Variants in ENTREP2 observed in about 807,000 individuals in gnomAD.
ENTREP2 encodes protein ENTREP2.
chr15:29,453,186 G>A, the ENTREP2 span, among the ~76,000 whole-genome samples: 1 of 152,186 alleles, frequency 6.6e-6, no homozygotes, highest in Non-Finnish European at 1.5e-5. Context: ...CCCGGTGCAG[G>A]GGGAGAGAAT....
chr15:29,412,153 A>G, the ENTREP2 span, among the ~76,000 whole-genome samples: 1 of 148,658 alleles, frequency 6.7e-6, no homozygotes, highest in African/African-American at 2.5e-5. Context: ...TCTGATTTGG[A>G]AAAAAAAAAC....
At chr15:29,669,033 T>C in the ENTREP2 span, among the ~76,000 whole-genome samples, 3 of 152,118 alleles carry the variant, frequency 2.0e-5, no homozygotes, top group Non-Finnish European at 4.4e-5. Context: ...CCAGGGAAGA[T>C]TCAAAGGGCT....
At chr15:29,524,903 G>A in the ENTREP2 span, among the ~76,000 whole-genome samples, 4 of 152,202 alleles carry the variant, frequency 2.6e-5, no homozygotes, top group African/African-American at 9.7e-5. Flanking sequence ...GCCCACTCCC[G>A]GCTCGAATGC....
chr15:29,529,386 T>A, the ENTREP2 span, among the ~76,000 whole-genome samples: 1 of 152,066 alleles, frequency 6.6e-6, no homozygotes, highest in African/African-American at 2.4e-5. Flanking sequence ...TGAGGCAGGT[T>A]AAGCATGGTT....
the ENTREP2 span, among the ~76,000 whole-genome samples, chr15:29,319,675 T>C: frequency 4.6e-5 from 7 of 152,228 alleles, no homozygotes; most frequent in Admixed American, 4.6e-4. Context: ...CAACCTTTCT[T>C]GGACCCCTCA....
the ENTREP2 span, among the ~76,000 whole-genome samples, chr15:29,595,506 T>A: frequency 6.6e-6 from 1 of 152,174 alleles, no homozygotes; most frequent in African/African-American, 2.4e-5. Flanking sequence ...TGGGATCCCA[T>A]CCAGAACACA....
At chr15:29,629,458 T>C in the ENTREP2 span, among the ~76,000 whole-genome samples, 1 of 152,226 alleles carries the variant, frequency 6.6e-6, no homozygotes, top group African/African-American at 2.4e-5. Context: ...ATGTTTTTTA[T>C]TCATTTGAAT....
chr15:29,151,124 G>A, the ENTREP2 span, among the ~76,000 whole-genome samples: 1 of 152,126 alleles, frequency 6.6e-6, no homozygotes, highest in Non-Finnish European at 1.5e-5. Flanking sequence ...TTTATGAGAT[G>A]TGTATTTATA....
At chr15:29,258,376 G>T in the ENTREP2 span, among the ~76,000 whole-genome samples, 1 of 151,986 alleles carries the variant, frequency 6.6e-6, no homozygotes, top group Non-Finnish European at 1.5e-5. Flanking sequence ...AAAACATCAC[G>T]AAAGCAAACC....
chr15:29,374,959 C>T, the ENTREP2 span: 1 of 151,984 alleles, frequency 6.6e-6, no homozygotes, highest in Non-Finnish European at 1.5e-5. Context: ...GTCTACTTAA[C>T]TTTTGGAACA....
At chr15:29,619,563 G>A in the ENTREP2 span, among the ~76,000 whole-genome samples, 6 of 152,136 alleles carry the variant, frequency 3.9e-5, no homozygotes, top group East Asian at 9.7e-4. Context: ...GTGCCTACAC[G>A]CTTATCCAGT....
chr15:29,293,361 C>T, the ENTREP2 span, among the ~76,000 whole-genome samples: 3 of 152,076 alleles, frequency 2.0e-5, no homozygotes, highest in African/African-American at 7.2e-5. Context: ...CGCCATTCTC[C>T]CTCAGCCTCC....
At chr15:29,225,833 C>T in the ENTREP2 span, among the ~76,000 whole-genome samples, 5 of 152,222 alleles carry the variant, frequency 3.3e-5, no homozygotes, top group Non-Finnish European at 7.3e-5. Context: ...CAACCACTTC[C>T]CTGCATCCTT....
chr15:29,608,337 A>G, the ENTREP2 span, among the ~76,000 whole-genome samples: 2 of 151,918 alleles, frequency 1.3e-5, no homozygotes, highest in African/African-American at 4.8e-5. Flanking sequence ...GCTTTCAGGG[A>G]TTTGCTGGCT....
chr15:29,617,004 G>A, the ENTREP2 span, among the ~76,000 whole-genome samples: 2 of 152,316 alleles, frequency 1.3e-5, no homozygotes, highest in East Asian at 3.9e-4. Context: ...AGGTTGCAGT[G>A]AGCCGAGATC....
At chr15:29,380,077 G>A in the ENTREP2 span, among the ~76,000 whole-genome samples, 1 of 151,926 alleles carries the variant, frequency 6.6e-6, no homozygotes, top group Non-Finnish European at 1.5e-5. Context: ...GGAGGTGGGG[G>A]GTGGGGAGAT....
At chr15:29,285,163 G>A in the ENTREP2 span, among the ~76,000 whole-genome samples, 1 of 152,160 alleles carries the variant, frequency 6.6e-6, no homozygotes, top group Non-Finnish European at 1.5e-5. Flanking sequence ...CTGGAGTGGG[G>A]GCTCTTTAAG....
At chr15:29,264,243 C>A in the ENTREP2 span, among the ~76,000 whole-genome samples, 1 of 151,584 alleles carries the variant, frequency 6.6e-6, no homozygotes, top group South Asian at 2.1e-4. Context: ...GATGCAAAAG[C>A]CAGCTTTAAG....
chr15:29,257,103 C>T, the ENTREP2 span, among the ~76,000 whole-genome samples: 1 of 150,878 alleles, frequency 6.6e-6, no homozygotes, highest in Non-Finnish European at 1.5e-5. Context: ...GATGGAGTTT[C>T]ACTCTTGTTG....
Sources: gnomAD v4.1 joint callset for allele counts (sites outside exome capture counted in the v4.1 genomes callset) on GRCh38, gnomAD v4.1.1 for gene constraint, MANE v1.5 for transcripts, NCBI Gene and HGNC (gene_info 2026-07-23, HGNC 2026-07-21) for gene names.